ITPRID1: variants seen among roughly 807,000 people sequenced by gnomAD.
The protein encoded by ITPRID1 is protein ITPRID1.
ITPRID1 carries 96 observed loss-of-function variants against 95.4 expected under a neutral mutation model. The ratio of observed to expected loss-of-function variants is 1.01; its 90% CI spans 0.85 to 1.19. The LOEUF (loss-of-function observed/expected upper bound fraction) is 1.19, where lower values mean the gene tolerates loss of function less well. Among genes scored for constraint, ITPRID1 ranks in the 50% most tolerant of loss-of-function variants. The pLI is 0.00. For missense variants in ITPRID1, 1,339 were observed against 1,252.9 expected (o/e 1.07, Z -1.04); for synonymous variants, 510 against 453.6 (o/e 1.12, Z -1.58).
intron 10 of ITPRID1, among the ~76,000 whole-genome samples, chr7:31,589,017 A>G (rs1305201336): frequency 2.0e-5 from 3 of 152,148 alleles, no homozygotes; most frequent in Non-Finnish European, 4.4e-5. Context: ...AAGACAAACC[A>G]TGAGAAAACC....
In ITPRID1 at chr7:31,530,666, A is replaced by G. The variant is rs533991756; in HGVS notation, c.-98+16546A>G. Among the ~76,000 whole-genome samples the G allele has an allele frequency of 2.6e-5, 4 of 152,296 alleles. No homozygotes were observed. The South Asian group carries it at 8.3e-4, about 32-fold the overall frequency. On this transcript the variant is annotated intron_variant, in intron 1 of 14. Transcript: ENST00000615280. The stretch of plus-strand genomic sequence containing the variant: ...CATCCATTTCTCACTGTAAACTTTC[A>G]CTGTAATTTTCCATTGAAAACTTGC...
At chr7:31,644,079 A>G (rs1790258851) in intron 12 of ITPRID1, 126 bp downstream of exon 12, 1 of 820,628 alleles carries the variant, frequency 1.2e-6, no homozygotes, top group Admixed American at 2.9e-5. Flanking sequence ...TAAATCATGA[A>G]TAACATTTGT....
chr7:31,629,087 A>T (rs1013505592), intron 10 of ITPRID1, among the ~76,000 whole-genome samples: 29 of 152,238 alleles, frequency 1.9e-4, no homozygotes, highest in African/African-American at 5.5e-4. Context: ...TTGTTCACTT[A>T]GCCCTGGAAA....
chr7:31,637,005 G>A (rs1562641001), intron 10 of ITPRID1, among the ~76,000 whole-genome samples: 2 of 151,106 alleles, frequency 1.3e-5, no homozygotes, highest in East Asian at 2.0e-4. Flanking sequence ...TCATCCTTGC[G>A]ATAGTTTGCT....
In ITPRID1 at chr7:31,651,240, C is replaced by CT; in HGVS notation, c.2686dup (p.Ser896PhefsTer20). On this transcript the variant is annotated frameshift_variant, in exon 13 of 15. Coordinates refer to ENST00000615280, the MANE Select transcript of ITPRID1 (RefSeq NM_001257967.3). LOFTEE classifies it high-confidence loss of function. ...AGCACCTTATGGGACAGCAGGCCCT[C>CT]TTTTCCAGGGACATGTCAGAGGAGG... is the stretch of plus-strand genomic sequence containing the variant. 12 of 1,613,546 alleles carry CT rather than the reference C, an allele frequency of 7.4e-6. No homozygotes were observed. The highest frequency in any genetic ancestry group is 8.5e-6 in the Non-Finnish European group (10 of 1,179,594).
At chr7:31,563,817 G>T (rs1391863905) in intron 5 of ITPRID1, among the ~76,000 whole-genome samples, 1 of 152,082 alleles carries the variant, frequency 6.6e-6, no homozygotes, top group African/African-American at 2.4e-5. Flanking sequence ...CAGACAAGTG[G>T]GTGAAAAAGA....
intron 12 of ITPRID1, among the ~76,000 whole-genome samples, chr7:31,649,550 A>G (rs1219360437): frequency 1.3e-5 from 2 of 152,210 alleles, no homozygotes; most frequent in Non-Finnish European, 2.9e-5. Flanking sequence ...ATTCTTGTTA[A>G]CAAGAATAAA....
intron 1 of ITPRID1, among the ~76,000 whole-genome samples, chr7:31,548,405 A>T (rs1448624232): frequency 6.6e-6 from 1 of 152,196 alleles, no homozygotes. Flanking sequence ...AACAAAGATC[A>T]TAGAGGAAAT....
rs191708646 is a variant in ITPRID1 at position 31,628,490 on chromosome 7, C to G, written c.1229-13686C>G. ...TTTTTTCTTTTTTTGAGGAGTCTCGCTCTGTCACTCGGGATGGAGTACAGT... is the reference window on the plus strand; with the variant it reads ...TTTTTTCTTTTTTTGAGGAGTCTCGGTCTGTCACTCGGGATGGAGTACAGT... On this transcript the variant is annotated intron_variant, in intron 10 of 14. Coordinates refer to ENST00000615280, the MANE Select transcript of ITPRID1 (RefSeq NM_001257967.3). Among the ~76,000 whole-genome samples the G allele has an allele frequency of 2.0e-4, 30 of 150,568 alleles. No homozygotes were observed. In the East Asian group the frequency reaches 3.5e-3, roughly 18 times the overall value.
chr7:31,524,755 C>G (rs1213048724), intron 1 of ITPRID1, among the ~76,000 whole-genome samples: 1 of 152,086 alleles, frequency 6.6e-6, no homozygotes. Context: ...ATTCACCTAT[C>G]CTCTGTTATC....
At chr7:31,615,742 ACTGAGAATTCTTTTTT>A (rs1487130440) in intron 10 of ITPRID1, among the ~76,000 whole-genome samples, 2 of 130,090 alleles carry the variant, frequency 1.5e-5, no homozygotes, top group African/African-American at 2.7e-5. Flanking sequence ...GTTAGAGTTT[ACTGAGAATTCTTTTTT>A]TTTTTTTTTT....
intron 12 of ITPRID1, among the ~76,000 whole-genome samples, 184 bp downstream of exon 12, chr7:31,644,137 A>G (rs191930285): frequency 3.6e-4 from 55 of 152,342 alleles, no homozygotes; most frequent in Admixed American, 1.3e-4. Context: ...TCTTCTCGAT[A>G]CTTCCAATCA....
intron 1 of ITPRID1, among the ~76,000 whole-genome samples, chr7:31,548,595 G>C (rs572226625): frequency 4.3e-4 from 66 of 152,154 alleles, no homozygotes; most frequent in African/African-American, 1.2e-3. Flanking sequence ...CACAAGTGTT[G>C]GGAGAGTCTC....
chr7:31,639,436 G>GT (rs35965544), intron 10 of ITPRID1, among the ~76,000 whole-genome samples: 16 of 151,314 alleles, frequency 1.1e-4, no homozygotes, highest in Admixed American at 2.0e-4. Context: ...TTCAATTTGG[G>GT]TTTTTTTTAA....
chr7:31,569,734 C>G (rs1179921055), intron 5 of ITPRID1, 24 bp from the exon 6 acceptor site: 3 of 1,559,880 alleles, frequency 1.9e-6, no homozygotes, highest in African/African-American at 2.7e-5. Context: ...ATAAAGTTCC[C>G]CTCTACTTTT....
chr7:31,547,087 A>G (rs1370466077), intron 1 of ITPRID1, among the ~76,000 whole-genome samples: 2 of 148,600 alleles, frequency 1.3e-5, no homozygotes, highest in Non-Finnish European at 3.0e-5. Flanking sequence ...TTCTGAAATG[A>G]TAAGAAGTGA....
At chr7:31,533,156 G>A (rs942496260) in intron 1 of ITPRID1, among the ~76,000 whole-genome samples, 1 of 152,058 alleles carries the variant, frequency 6.6e-6, no homozygotes, top group African/African-American at 2.4e-5. Context: ...CCGTGAGAAG[G>A]ATTTTAATTA....
At chr7:31,532,699 G>A (rs909301661) in intron 1 of ITPRID1, among the ~76,000 whole-genome samples, 3 of 152,170 alleles carry the variant, frequency 2.0e-5, no homozygotes, top group Non-Finnish European at 2.9e-5. Context: ...CGCTTGCAAG[G>A]TAGAAAGGGT....
chr7:31,649,151 A>G (rs2128218056), intron 12 of ITPRID1, among the ~76,000 whole-genome samples: 1 of 152,378 alleles, frequency 6.6e-6, no homozygotes, highest in South Asian at 2.1e-4. Flanking sequence ...GCGAGAGGAT[A>G]GAATCAAAAC....
Sources: gnomAD v4.1 joint callset for allele counts (sites outside exome capture counted in the v4.1 genomes callset) on GRCh38, gnomAD v4.1.1 for gene constraint, MANE v1.5 for transcripts, NCBI Gene and HGNC (gene_info 2026-07-23, HGNC 2026-07-21) for gene names.